PTPRG: variants seen among roughly 807,000 people sequenced by gnomAD.
PTPRG encodes the protein protein tyrosine phosphatase receptor type G.
PTPRG carries 102 observed loss-of-function variants against 165.3 expected under a neutral mutation model. That is an observed-to-expected ratio of 0.62 (90% confidence interval 0.53 to 0.73). The LOEUF (loss-of-function observed/expected upper bound fraction) is 0.73, where lower values mean the gene tolerates loss of function less well. Among genes scored for constraint, PTPRG ranks in the 30% least tolerant of loss-of-function variants. PTPRG has a pLI of 0.00. For synonymous variants in PTPRG, 675 were observed against 669.5 expected, an observed-to-expected ratio of 1.01 and a Z score of -0.13; for missense variants, 1,866 against 1,861.4, an observed-to-expected ratio of 1.00 and a Z score of -0.05.
chr3:61,804,844 C>T (rs1045391965), intron 2 of PTPRG, among the ~76,000 whole-genome samples: 3 of 152,236 alleles, frequency 2.0e-5, no homozygotes, highest in Admixed American at 6.5e-5. Context: ...AGTTTTGAAG[C>T]ATAGGATTTT....
At chr3:61,640,583 A>G (rs1350463496) in intron 1 of PTPRG, among the ~76,000 whole-genome samples, 1 of 152,210 alleles carries the variant, frequency 6.6e-6, no homozygotes, top group Non-Finnish European at 1.5e-5. Context: ...TAAAGGAAAG[A>G]TGTTAGCTGT....
chr3:61,848,106 T>C (rs1363389806), intron 2 of PTPRG, among the ~76,000 whole-genome samples: 1 of 152,220 alleles, frequency 6.6e-6, no homozygotes, highest in African/African-American at 2.4e-5. Context: ...GAGCTGTGGC[T>C]GAGGACGTAG....
intron 4 of PTPRG, among the ~76,000 whole-genome samples, chr3:62,043,313 CT>C (rs1199296902): frequency 2.6e-5 from 4 of 152,158 alleles, no homozygotes; most frequent in Admixed American, 2.6e-4. Context: ...CCTATTTTCT[CT>C]TTCCAGCTGC....
At chr3:62,033,466 T>C (rs1191662365) in intron 4 of PTPRG, among the ~76,000 whole-genome samples, 1 of 149,394 alleles carries the variant, frequency 6.7e-6, no homozygotes, top group East Asian at 2.0e-4. Flanking sequence ...CGGGCCCAAG[T>C]GATTCTCCCA....
chr3:62,147,047 A>G (rs1704148593), intron 6 of PTPRG, among the ~76,000 whole-genome samples: 1 of 152,210 alleles, frequency 6.6e-6, no homozygotes, highest in East Asian at 1.9e-4. Flanking sequence ...ATGTTAGCCA[A>G]TTACGCAGAC....
chr3:62,124,066 T>G, intron 5 of PTPRG: 1 of 403,926 alleles, frequency 2.5e-6, no homozygotes, highest in Non-Finnish European at 4.5e-6. Flanking sequence ...TTTCCTTCCC[T>G]TTTTTTTTTC....
At position 62,203,288 on chromosome 3, in the gene PTPRG, C is replaced by T; in HGVS notation, c.1493C>T (p.Pro498Leu). Residue 498 changes from proline to leucine, a missense_variant, in exon 12 of 30, where the codon CCC becomes CTC. Physicochemically the swap from Pro to Leu is moderately conservative, Grantham distance 98. This residue lies in a region of PTPRG where 1,452 missense variants were observed against 1,463.0 expected (regional missense o/e 0.99). Coordinates refer to ENST00000474889, the MANE Select transcript of PTPRG (RefSeq NM_002841.4). The surrounding 1 kb of genome is among the most constrained non-coding windows in gnomAD (Gnocchi z 6.4). The part of the protein sequence containing the change: ...SFVSMATGMG[P>L]SSSGSQATVA... ...GTTTCCATGGCAACTGGGATGGGCC[C>T]CTCCTCCAGTGGCAGCCAGGCCACA... The T allele has an allele frequency of 6.2e-7, 1 of 1,614,004 alleles. No homozygotes were observed. The highest frequency in any genetic ancestry group is 1.1e-5 in the South Asian group (1 of 91,068).
At chr3:62,263,085 C>T in intron 17 of PTPRG, 191 bp downstream of exon 17, 1 of 516,400 alleles carries the variant, frequency 1.9e-6, no homozygotes, top group Non-Finnish European at 3.4e-6. Flanking sequence ...TTTCATTAGG[C>T]TGTCAGGGCT....
intron 2 of PTPRG, among the ~76,000 whole-genome samples, chr3:61,840,489 T>C (rs779294577): frequency 5.3e-5 from 8 of 152,232 alleles, no homozygotes; most frequent in African/African-American, 1.4e-4. Flanking sequence ...AATAAGCACT[T>C]TGTAAGTGTG....
intron 6 of PTPRG, among the ~76,000 whole-genome samples, chr3:62,135,483 AT>A (rs1438646691): frequency 6.6e-6 from 1 of 152,100 alleles, no homozygotes; most frequent in East Asian, 1.9e-4. Flanking sequence ...AATGACTTTT[AT>A]TTCTTCAGCT....
intron 10 of PTPRG, among the ~76,000 whole-genome samples, chr3:62,197,967 A>T (rs947377991): frequency 6.6e-6 from 1 of 152,182 alleles, no homozygotes; most frequent in African/African-American, 2.4e-5. Flanking sequence ...ATAAGGGGGC[A>T]AGTTTTAAAA....
At chr3:61,574,728 C>G (rs1177392309) in intron 1 of PTPRG, among the ~76,000 whole-genome samples, 1 of 152,138 alleles carries the variant, frequency 6.6e-6, no homozygotes, top group African/African-American at 2.4e-5. Flanking sequence ...GTTTTACAGG[C>G]TGGGAAGTTC....
At chr3:61,622,077 C>A (rs149548357) in intron 1 of PTPRG, among the ~76,000 whole-genome samples, 1 of 152,186 alleles carries the variant, frequency 6.6e-6, no homozygotes, top group Non-Finnish European at 1.5e-5. Flanking sequence ...GCGGGGCATA[C>A]ATCTTTCACT....
intron 2 of PTPRG, chr3:61,750,599 C>G (rs1170072617): frequency 6.6e-6 from 1 of 152,180 alleles, no homozygotes; most frequent in Non-Finnish European, 1.5e-5. Context: ...AGAGTTGGCA[C>G]ACTTTTTCTG....
At position 62,213,572 on chromosome 3, in the gene PTPRG, A is replaced by T. The variant is rs2106870486; in HGVS notation, c.2156-5279A>T. On this transcript the variant is annotated intron_variant, in intron 12 of 29. Transcript: ENST00000474889. This position sits in a 1 kb window ranked among gnomAD's most constrained non-coding sequence, Gnocchi z 4.4. ...TACAGGAGTGAACAGACACTCAGAG[A>T]TGGGCATTTACCCAAAGCCACACAG... Among the ~76,000 whole-genome samples, 1 of 152,106 alleles carries T rather than the reference A, an allele frequency of 6.6e-6. No individual in the cohort carries two copies. The highest frequency in any genetic ancestry group is 2.1e-4 in the South Asian group (1 of 4,796).
chr3:61,974,542 G>A (rs2040458760), intron 2 of PTPRG, among the ~76,000 whole-genome samples: 2 of 146,544 alleles, frequency 1.4e-5, no homozygotes, highest in Admixed American at 6.8e-5. Flanking sequence ...AACAAAGCAA[G>A]ATTCCATCTT....
intron 1 of PTPRG, among the ~76,000 whole-genome samples, chr3:61,677,871 A>G (rs1703288848): frequency 1.3e-5 from 2 of 152,116 alleles, no homozygotes; most frequent in Admixed American, 1.3e-4. Flanking sequence ...TGGGCCGTGG[A>G]TGGGAGGGGA....
At chr3:61,642,777 C>T (rs766087973) in intron 1 of PTPRG, among the ~76,000 whole-genome samples, 8 of 152,004 alleles carry the variant, frequency 5.3e-5, no homozygotes, top group Non-Finnish European at 7.4e-5. Flanking sequence ...GTAACTAAGT[C>T]ATAGATGAGG....
At chr3:61,796,826 T>C (rs2035059696) in intron 2 of PTPRG, among the ~76,000 whole-genome samples, 3 of 152,226 alleles carry the variant, frequency 2.0e-5, no homozygotes. Context: ...TTTGTTTCTC[T>C]CTTCACTCTC....
Sources: allele counts gnomAD v4.1 joint callset (sites outside exome capture counted in the v4.1 genomes callset), GRCh38; gene constraint gnomAD v4.1.1; regional missense constraint gnomAD v4.1.1; non-coding constraint Gnocchi (gnomAD v3.1); transcripts MANE v1.5; gene names NCBI Gene and HGNC (gene_info 2026-07-23, HGNC 2026-07-21).